Variants in OR8D4 observed in about 807,000 individuals in gnomAD.
OR8D4 encodes the protein olfactory receptor 8D4.
For missense variants in OR8D4, 359 were observed against 372.6 expected, an observed-to-expected ratio of 0.96 and a Z score of 0.30; for synonymous variants, 141 against 134.8, an observed-to-expected ratio of 1.05 and a Z score of -0.32.
chr11:123,907,535 C>T lies in OR8D4; in HGVS notation c.*159C>T, dbSNP rs1030132789. ...GCCGAGTTGGGTGGATCACGAGGTCCGGTGTTCAAGACCAGCCTGGCCAAG... is the reference window on the plus strand; with the variant it reads ...GCCGAGTTGGGTGGATCACGAGGTCTGGTGTTCAAGACCAGCCTGGCCAAG... On this transcript the variant is annotated 3_prime_UTR_variant, in exon 2 of 2. Transcript: ENST00000641687. The T allele has an allele frequency of 2.5e-5, 10 of 406,238 alleles. No homozygotes were observed. Among genetic ancestry groups the T allele is most frequent in the East Asian group, 8.0e-5 (2 of 24,932 alleles). 25.2% of individuals were successfully genotyped at this position (406,238 alleles called of 1,614,324 possible). A position where few individuals can be genotyped will look rare whatever the true frequency, so the allele number is the denominator to read the frequency against.
intron 1 of OR8D4, among the ~76,000 whole-genome samples, chr11:123,904,839 A>G (rs963359113): frequency 5.9e-5 from 9 of 152,218 alleles, no homozygotes; most frequent in African/African-American, 2.2e-4. Flanking sequence ...AGAAGACATG[A>G]ACAGCTTATT....
chr11:123,906,159 T>C, intron 1 of OR8D4: 1 of 345,654 alleles, frequency 2.9e-6, no homozygotes, highest in Non-Finnish European at 5.2e-6. Flanking sequence ...TAAGCATTAG[T>C]TTTGTCTCTA....
intron 1 of OR8D4, among the ~76,000 whole-genome samples, chr11:123,904,445 A>G (rs1207977641): frequency 6.6e-6 from 1 of 152,222 alleles, no homozygotes; most frequent in Non-Finnish European, 1.5e-5. Flanking sequence ...TATTAAAGAC[A>G]AAAAACTGAG....
Position 123,906,877 on chromosome 11 carries a change from T to C in OR8D4, c.446T>C (p.Phe149Ser), listed in dbSNP as rs1863206494. ...RVCSLLVAAVFSVGFTDAVIH... is the reference protein window; with the variant it reads ...RVCSLLVAAVSSVGFTDAVIH... Reference sequence around the variant, plus strand: ...TGTTCTCTGCTGGTGGCTGCTGTCTTCTCAGTAGGTTTCACTGATGCTGTG... The same window carrying C: ...TGTTCTCTGCTGGTGGCTGCTGTCTCCTCAGTAGGTTTCACTGATGCTGTG... The change falls in exon 2 of 2, where the codon TTC becomes TCC. Residue 149 changes from phenylalanine to serine, a missense_variant. Transcript: ENST00000641687. 1.2e-6 allele frequency: 2 copies of C among 1,614,078 alleles called. No individual in the cohort carries two copies. Among genetic ancestry groups the C allele is most frequent in the South Asian group, 2.2e-5 (2 of 91,078 alleles).
rs1863202797 is a variant in OR8D4 at position 123,906,683 on chromosome 11, G to A, written c.252G>A (p.Gly84=). 1 of 1,613,776 alleles carries A rather than the reference G, an allele frequency of 6.2e-7. No homozygotes were observed. Among genetic ancestry groups the A allele is most frequent in the Non-Finnish European group, 8.5e-7 (1 of 1,179,708 alleles). Residue 84 remains glycine (G), a synonymous_variant, in exon 2 of 2, where the codon GGG becomes GGA. Transcript: ENST00000641687. ...TCATTACCCCTAAAATGCTATCAGG[G>A]TTTTTATGCAGAGATAGATCCATCT... ...SSVITPKMLS[G]FLCRDRSISY... is the part of the protein sequence containing the mutation.
In OR8D4 at chr11:123,906,847, G is replaced by T; in HGVS notation, c.416G>T (p.Arg139Met). Residue 139 changes from arginine to methionine, a missense_variant, in exon 2 of 2, where the codon AGG (arginine) becomes ATG (methionine). Arg to Met is a moderately conservative substitution (Grantham distance 91, BLOSUM62 -1). Transcript: ENST00000641687. Reference protein sequence around the residue: ...PLLYRVIMSPRVCSLLVAAVF... With the variant: ...PLLYRVIMSPMVCSLLVAAVF... ...CTCTACAGGGTCATCATGTCCCCTA[G>T]GGTCTGTTCTCTGCTGGTGGCTGCT... The T allele has an allele frequency of 6.2e-7, 1 of 1,613,906 alleles. No homozygotes were observed.
chr11:123,906,877 TCTC>T lies in OR8D4; in HGVS notation c.447_449del (p.Phe149_Ser150delinsLeu). 1 of 1,614,078 alleles carries T rather than the reference TCTC, an allele frequency of 6.2e-7. No individual in the cohort carries two copies. Among genetic ancestry groups the T allele is most frequent in the Non-Finnish European group, 8.5e-7 (1 of 1,179,960 alleles). Reference sequence around the variant, plus strand: ...TGTTCTCTGCTGGTGGCTGCTGTCTTCTCAGTAGGTTTCACTGATGCTGTGATC... The same window carrying T: ...TGTTCTCTGCTGGTGGCTGCTGTCTTAGTAGGTTTCACTGATGCTGTGATC... On this transcript the variant is annotated inframe_deletion, in exon 2 of 2. Coordinates refer to ENST00000641687, the MANE Select transcript of OR8D4 (RefSeq NM_001005197.2).
chr11:123,908,633 A>T lies in OR8D4; in HGVS notation c.*1257A>T, dbSNP rs552852667. The T allele has an allele frequency of 6.6e-6, 1 of 152,360 alleles. No homozygotes were observed. Among genetic ancestry groups the T allele is most frequent in the Non-Finnish European group, 1.5e-5 (1 of 68,036 alleles). 9.4% of individuals were successfully genotyped at this position (152,360 alleles called of 1,614,324 possible). A position where few individuals can be genotyped will look rare whatever the true frequency, so the allele number is the denominator to read the frequency against. On this transcript the variant is annotated 3_prime_UTR_variant, in exon 2 of 2. Transcript: ENST00000641687. ...TAGATAATACAGAGGTAGTTCAGTGAACAAACATAATTATAGATAAGTCCT... is the reference window on the plus strand; with the variant it reads ...TAGATAATACAGAGGTAGTTCAGTGTACAAACATAATTATAGATAAGTCCT...
chr11:123,906,379 A>T (rs1403351242), intron 1 of OR8D4, 38 bp from the exon 2 acceptor site: 3 of 1,204,086 alleles, frequency 2.5e-6, no homozygotes, highest in Non-Finnish European at 3.5e-6. Context: ...AGAAACAAAC[A>T]CTGATAGAAT....
rs1318726781 is a variant in OR8D4 at position 123,907,534 on chromosome 11, C to A, written c.*158C>A. 9.7e-6 allele frequency: 4 copies of A among 413,366 alleles called. No individual in the cohort carries two copies. Among genetic ancestry groups the A allele is most frequent in the Non-Finnish European group, 1.7e-5 (4 of 232,322 alleles). The allele number at this position is 413,366 out of a possible 1,614,324, so 25.6% of individuals were successfully genotyped here. ...GGCCGAGTTGGGTGGATCACGAGGT[C>A]CGGTGTTCAAGACCAGCCTGGCCAA... On this transcript the variant is annotated 3_prime_UTR_variant, in exon 2 of 2. Transcript: ENST00000641687.
chr11:123,902,595 AT>A (rs939627048), intron 1 of OR8D4, among the ~76,000 whole-genome samples: 1 of 152,168 alleles, frequency 6.6e-6, no homozygotes, highest in Non-Finnish European at 1.5e-5. Context: ...AGTATTTATT[AT>A]TTTTTACAGA....
Sources: allele counts gnomAD v4.1 joint callset (sites outside exome capture counted in the v4.1 genomes callset), GRCh38; gene constraint gnomAD v4.1.1; transcripts MANE v1.5; gene names NCBI Gene and HGNC (gene_info 2026-07-23, HGNC 2026-07-21).